DDX5: variants seen among roughly 807,000 people sequenced by gnomAD.
DDX5 encodes the protein DEAD-box helicase 5, also known as probable ATP-dependent RNA helicase DDX5.
A neutral mutation model predicts 68.6 loss-of-function variants in DDX5; 6 were observed. That is an observed-to-expected ratio of 0.09 (90% CI 0.05 to 0.17). The LOEUF is 0.17. Among genes scored for constraint, DDX5 ranks in the 10% least tolerant of loss-of-function variants. The pLI, the probability that DDX5 is intolerant of heterozygous loss-of-function variation, is 1.00. For missense variants in DDX5, 499 were observed against 756.1 expected (o/e 0.66, Z 3.99); for synonymous variants, 350 against 247.0 (o/e 1.42, Z -3.91).
rs1173395599 is a variant in DDX5 at position 64,503,488 on chromosome 17, C to T, written c.591G>A (p.Lys197=). The part of the protein sequence containing the change: ...AAEYCRACRL[K]STCIYGGAPK... Reference sequence around the variant, plus strand: ...GAGCACCACCGTAGATACAAGTAGACTTCAAGCGACATGCTCTACAATATT... The same window carrying T: ...GAGCACCACCGTAGATACAAGTAGATTTCAAGCGACATGCTCTACAATATT... The change falls in exon 6 of 13, where the codon AAG becomes AAA. Residue 197 remains lysine (K), a synonymous_variant. Transcript: ENST00000225792. 3.7e-6 allele frequency: 6 copies of T among 1,614,156 alleles called. No individual in the cohort carries two copies. In the African/African-American group the frequency reaches 8.0e-5, roughly 22 times the overall value.
At chr17:64,504,165 A>G in intron 3 of DDX5, 49 bp from the exon 4 acceptor site, 1 of 1,612,614 alleles carries the variant, frequency 6.2e-7, no homozygotes. Flanking sequence ...GCCAAGAAAA[A>G]GAGGGGGTAG....
At chr17:64,506,448 G>C (rs987846172), upstream of DDX5, 2 of 1,314,224 alleles carry the variant, frequency 1.5e-6, no homozygotes, top group African/African-American at 1.5e-5. Flanking sequence ...CCCTCCCCGC[G>C]CCACTCTCTC....
chr17:64,506,103 C>T lies in DDX5; in HGVS notation c.17G>A (p.Ser6Asn), dbSNP rs1555672492. Reference protein sequence around the residue: MSGYSSDRDRGRDRGF... With the variant: MSGYSNDRDRGRDRGF... ...TCGGTCCCGGCCGCGGTCTCGGTCA[C>T]TCGAATAACCCGACATGGCGTCAAT... The change falls in exon 1 of 13, where the codon AGT (serine) becomes AAT (asparagine). Residue 6 changes from serine to asparagine, a missense_variant. Physicochemically the swap from Ser to Asn is conservative, Grantham distance 46. Coordinates refer to ENST00000225792, the MANE Select transcript of DDX5 (RefSeq NM_004396.5). 8 of 1,611,332 alleles carry T rather than the reference C, an allele frequency of 5.0e-6. No individual in the cohort carries two copies. The highest frequency in any genetic ancestry group is 6.8e-6 in the Non-Finnish European group (8 of 1,179,144).
chr17:64,505,010 A>G (rs1486176275), intron 1 of DDX5, 168 bp from the exon 2 acceptor site: 15 of 583,680 alleles, frequency 2.6e-5, no homozygotes, highest in Non-Finnish European at 4.3e-5. Flanking sequence ...AGCCACAGTT[A>G]ACATTTCCCG....
intron 3 of DDX5, 53 bp from the exon 4 acceptor site, chr17:64,504,169 G>C (rs117116828): frequency 6.2e-7 from 1 of 1,612,166 alleles, no homozygotes; most frequent in Non-Finnish European, 8.5e-7. Context: ...AGAAAAAGAG[G>C]GGGTAGGTGG....
At chr17:64,506,789 G>A (rs1051024664), upstream of DDX5, 5 of 539,786 alleles carry the variant, frequency 9.3e-6, no homozygotes, top group Admixed American at 1.7e-4. Context: ...GGACCCGCCC[G>A]GGCTGCCGGC....
At chr17:64,506,020 A>AGGGG in intron 1 of DDX5, 56 bp downstream of exon 1, 42 of 867,626 alleles carry the variant, frequency 4.8e-5, no homozygotes, top group Non-Finnish European at 6.7e-5. Flanking sequence ...CGCCACCCTG[A>AGGGG]CCCGCCCTCC....
At chr17:64,504,497 A>T in intron 2 of DDX5, 179 bp from the exon 3 acceptor site, 1 of 934,492 alleles carries the variant, frequency 1.1e-6, no homozygotes, top group Non-Finnish European at 1.6e-6. Flanking sequence ...TACTCAACCT[A>T]ATTTAAGTAA....
At chr17:64,505,287 T>TG in intron 1 of DDX5, 1 of 308,704 alleles carries the variant, frequency 3.2e-6, no homozygotes, top group Non-Finnish European at 6.1e-6. Context: ...GGTAAGAACC[T>TG]AAACAGTACA....
intron 11 of DDX5, chr17:64,501,399 C>G (rs1555671066): frequency 6.4e-6 from 1 of 156,908 alleles, no homozygotes; most frequent in Non-Finnish European, 1.4e-5. Flanking sequence ...GAGGAACTTT[C>G]AAAGCACTTT....
At chr17:64,505,519 T>A in intron 1 of DDX5, 1 of 605,982 alleles carries the variant, frequency 1.7e-6, no homozygotes, top group Non-Finnish European at 2.9e-6. Context: ...GTCTCGCATT[T>A]CTCTCTGCGC....
rs782755413 is a variant in DDX5, at chr17:64,502,537, T to C, written c.996A>G (p.Leu332=). The C allele has an allele frequency of 3.7e-6, 6 of 1,610,978 alleles. No individual in the cohort carries two copies. The highest frequency in any genetic ancestry group is 5.1e-6 in the Non-Finnish European group (6 of 1,177,636). ...DVEKDEKLIR[L]MEEIMSEKEN... is the part of the protein sequence containing the mutation. The stretch of plus-strand genomic sequence containing the variant: ...CCTTCTCACTCATGATCTCTTCCAT[T>C]AGACGAATAAGTCTAATAATAGGAG... The change falls in exon 9 of 13, where the codon CTA becomes CTG. Residue 332 remains leucine, a synonymous_variant. Transcript: ENST00000225792.
intron 1 of DDX5, chr17:64,505,658 A>G: frequency 7.3e-7 from 1 of 1,371,736 alleles, no homozygotes; most frequent in East Asian, 2.5e-5. Context: ...CCGCCCTCCT[A>G]CCCCAACAGC....
intron 1 of DDX5, chr17:64,505,424 G>A (rs552033718): frequency 2.0e-5 from 11 of 545,584 alleles, no homozygotes; most frequent in Non-Finnish European, 3.3e-5. Context: ...AAGAAAAGGA[G>A]GAGCCGGCGA....
At chr17:64,501,646 C>T (rs2038299445) in intron 11 of DDX5, 2 of 261,286 alleles carry the variant, frequency 7.7e-6, no homozygotes, top group Non-Finnish European at 1.5e-5. Flanking sequence ...TGTACCATGG[C>T]AGTCATGCAA....
At position 64,500,089 on chromosome 17, in the gene DDX5, G is replaced by A; in HGVS notation, c.1679C>T (p.Thr560Ile). 1.2e-6 allele frequency: 2 copies of A among 1,614,188 alleles called. No homozygotes were observed. Among genetic ancestry groups the A allele is most frequent in the Non-Finnish European group, 1.7e-6 (2 of 1,180,038 alleles). Residue 560 changes from threonine (T) to isoleucine (I), a missense_variant, in exon 13 of 13, where the codon ACT (threonine) becomes ATT (isoleucine). By Grantham distance (89) the Thr-to-Ile change is moderately conservative. Around this residue, in one of 5 missense-constraint regions of DDX5, gnomAD observed 171 missense variants for 174.8 expected, o/e 0.98. Coordinates refer to ENST00000225792, the MANE Select transcript of DDX5 (RefSeq NM_004396.5). ...VSAGIQTSFR[T>I]GNPTGTYQNG... ...CTGGTAAGTCCCTGTTGGATTACCA[G>A]TCCTAAAACTGGTCTGTATACCAGC...
intron 9 of DDX5, 77 bp from the exon 10 acceptor site, chr17:64,502,300 C>T (rs2038316175): frequency 8.5e-6 from 13 of 1,521,442 alleles, no homozygotes; most frequent in East Asian, 2.3e-5. Flanking sequence ...CTTTTGGTCA[C>T]AGATCTCTTT....
chr17:64,502,065 G>A lies in DDX5; in HGVS notation c.1161C>T (p.Phe387=). The A allele has an allele frequency of 1.2e-6, 2 of 1,614,134 alleles. No homozygotes were observed. The highest frequency in any genetic ancestry group is 1.7e-6 in the Non-Finnish European group (2 of 1,180,006). Residue 387 remains phenylalanine, a synonymous_variant, in exon 11 of 13, where the codon TTC becomes TTT. Coordinates refer to ENST00000225792, the MANE Select transcript of DDX5 (RefSeq NM_004396.5). The stretch of plus-strand genomic sequence containing the variant: ...TCAGAATAGGAGCTTTTCCATGTTT[G>A]AATTCTACAAAGGAAGGCATATACA... ...QQERDWVLNE[F]KHGKAPILIA...
At chr17:64,506,555 C>T (rs2038536854), upstream of DDX5, 3 of 487,482 alleles carry the variant, frequency 6.2e-6, no homozygotes, top group Admixed American at 7.8e-5. Flanking sequence ...CCACCCCGCC[C>T]TTTCCCAAGC....
Sources: gnomAD v4.1 joint callset for allele counts on GRCh38, gnomAD v4.1.1 for gene constraint, gnomAD v4.1.1 regional missense constraint, MANE v1.5 for transcripts, NCBI Gene and HGNC (gene_info 2026-07-23, HGNC 2026-07-21) for gene names.